Variants in PTPN11 observed in about 807,000 individuals in gnomAD.
PTPN11 encodes tyrosine-protein phosphatase non-receptor type 11.
PTPN11 carries 6 observed loss-of-function variants against 78.8 expected under a neutral mutation model. The observed-to-expected ratio is 0.08, with a 90% CI of 0.04 to 0.15. The LOEUF (loss-of-function observed/expected upper bound fraction) is 0.15, where lower values mean the gene tolerates loss of function less well. PTPN11 is among the 10% of genes least tolerant of loss of function. PTPN11 has a pLI of 1.00. For missense variants in PTPN11, 386 were observed against 744.8 expected (o/e 0.52, Z 5.61); for synonymous variants, 221 against 263.5 (o/e 0.84, Z 1.56).
At position 112,486,466 on chromosome 12, in the gene PTPN11, C is replaced by G. The variant is rs377257792; in HGVS notation, c.1225-9C>G. ...AATTCTTTTCTGGTTTTTCTTGGCT[C>G]TACTCCAGGGGAATACGGAGAGAAC... On this transcript the variant is annotated splice_polypyrimidine_tract_variant and intron_variant, in intron 10 of 15. Coordinates refer to ENST00000351677, the MANE Select transcript of PTPN11 (RefSeq NM_002834.5). 1 of 1,612,686 alleles carries G rather than the reference C, an allele frequency of 6.2e-7. No homozygotes were observed. The highest frequency in any genetic ancestry group is 8.5e-7 in the Non-Finnish European group (1 of 1,178,690).
chr12:112,465,112 G>A (rs1449438818), intron 6 of PTPN11, among the ~76,000 whole-genome samples: 3 of 152,104 alleles, frequency 2.0e-5, no homozygotes, highest in Admixed American at 6.5e-5. Flanking sequence ...GCATTGTGGC[G>A]AGGTGCATAT....
intron 9 of PTPN11, 92 bp from the exon 10 acceptor site, chr12:112,481,982 T>C: frequency 7.3e-7 from 1 of 1,373,282 alleles, no homozygotes; most frequent in East Asian, 2.3e-5. Context: ...TTGGTGGTTA[T>C]TAAGCAAGAC....
chr12:112,453,144 A>G, intron 3 of PTPN11, 51 bp from the exon 4 acceptor site: 1 of 1,500,210 alleles, frequency 6.7e-7, no homozygotes, highest in Non-Finnish European at 9.2e-7. Context: ...TGAAAGAACA[A>G]CATGAACCCA....
intron 9 of PTPN11, among the ~76,000 whole-genome samples, chr12:112,479,481 G>C (rs755260214): frequency 2.6e-5 from 4 of 152,230 alleles, no homozygotes; most frequent in Middle Eastern, 3.4e-3. Context: ...TTTCATTGTT[G>C]TACTCCTAGT....
chr12:112,433,397 G>A (rs1462078485), intron 1 of PTPN11, among the ~76,000 whole-genome samples: 3 of 152,132 alleles, frequency 2.0e-5, no homozygotes, highest in African/African-American at 2.4e-5. Context: ...CCACAGTGAC[G>A]AAATCGCCTA....
intron 13 of PTPN11, among the ~76,000 whole-genome samples, chr12:112,500,960 A>G (rs533255204): frequency 6.6e-6 from 1 of 150,918 alleles, no homozygotes; most frequent in Non-Finnish European, 1.5e-5. Flanking sequence ...GCCAGAGTGC[A>G]GTGGTGCGAT....
intron 13 of PTPN11, among the ~76,000 whole-genome samples, chr12:112,499,635 G>A (rs537691385): frequency 3.9e-5 from 6 of 152,076 alleles, no homozygotes; most frequent in Non-Finnish European, 7.4e-5. Context: ...CACAGTGCCC[G>A]GCGGGATAAG....
chr12:112,436,409 G>C (rs1165642652), intron 1 of PTPN11, among the ~76,000 whole-genome samples: 1 of 152,138 alleles, frequency 6.6e-6, no homozygotes, highest in Non-Finnish European at 1.5e-5. Flanking sequence ...ACATTTTACA[G>C]ATGTAAAAAC....
chr12:112,452,156 G>A (rs1401360218), intron 3 of PTPN11, among the ~76,000 whole-genome samples: 2 of 151,836 alleles, frequency 1.3e-5, no homozygotes, highest in African/African-American at 4.8e-5. Context: ...GATTATAGGC[G>A]TGAGCCACCG....
chr12:112,449,003 C>T (rs2038035984), intron 2 of PTPN11, among the ~76,000 whole-genome samples: 1 of 151,844 alleles, frequency 6.6e-6, no homozygotes, highest in South Asian at 2.1e-4. Context: ...TCTCCTGCCT[C>T]AGCCTCCCCA....
intron 1 of PTPN11, among the ~76,000 whole-genome samples, chr12:112,420,709 G>C (rs914191443): frequency 6.6e-6 from 1 of 152,152 alleles, no homozygotes; most frequent in Non-Finnish European, 1.5e-5. Context: ...TTCATACATG[G>C]ATCTGGAATT....
At chr12:112,494,585 T>C (rs1192713474) in intron 13 of PTPN11, among the ~76,000 whole-genome samples, 1 of 152,188 alleles carries the variant, frequency 6.6e-6, no homozygotes, top group African/African-American at 2.4e-5. Context: ...CTTAAGATGG[T>C]CTAGGCTCAT....
At chr12:112,430,502 C>CA (rs1361593220) in intron 1 of PTPN11, among the ~76,000 whole-genome samples, 1 of 152,100 alleles carries the variant, frequency 6.6e-6, no homozygotes, top group African/African-American at 2.4e-5. Flanking sequence ...AACCATGGCT[C>CA]ACTGCAGCCT....
chr12:112,481,952 G>A (rs2038602343), intron 9 of PTPN11, 122 bp from the exon 10 acceptor site: 2 of 1,090,682 alleles, frequency 1.8e-6, no homozygotes, highest in Middle Eastern at 3.1e-4. Context: ...TAACAGATGC[G>A]AAACAGGCCA....
chr12:112,464,110 C>T (rs1359185028), intron 6 of PTPN11, among the ~76,000 whole-genome samples: 1 of 152,174 alleles, frequency 6.6e-6, no homozygotes, highest in African/African-American at 2.4e-5. Flanking sequence ...CTCTGATAGT[C>T]TTTAAAACAA....
At chr12:112,456,092 G>A (rs1278899263) in intron 6 of PTPN11, 29 bp downstream of exon 6, 1 of 1,407,192 alleles carries the variant, frequency 7.1e-7, no homozygotes, top group South Asian at 1.2e-5. Context: ...GTTTTTACGT[G>A]AGTTGTTATA....
chr12:112,465,243 C>T (rs1388846375), intron 6 of PTPN11, among the ~76,000 whole-genome samples: 1 of 151,902 alleles, frequency 6.6e-6, no homozygotes, highest in African/African-American at 2.4e-5. Context: ...ACCAGCCTGG[C>T]CAACATGGTG....
chr12:112,465,315 T>C (rs973864291), intron 6 of PTPN11, among the ~76,000 whole-genome samples: 1 of 150,998 alleles, frequency 6.6e-6, no homozygotes, highest in Admixed American at 6.6e-5. Flanking sequence ...GTGCCTGTAA[T>C]ACCAGCTACT....
rs369155025 is a variant in PTPN11, at chr12:112,453,380, G to T, written c.518G>T (p.Arg173Leu). ...GKSKVTHVMIRCQELKYDVGG... is the reference protein window; with the variant it reads ...GKSKVTHVMILCQELKYDVGG... ...TCTAAAGTGACCCATGTTATGATTCGCTGTCAGGTAAATCTCCAGTTGAAA... is the reference window on the plus strand; with the variant it reads ...TCTAAAGTGACCCATGTTATGATTCTCTGTCAGGTAAATCTCCAGTTGAAA... The change falls in exon 4 of 16, where the codon CGC becomes CTC. Residue 173 changes from arginine (R) to leucine (L), a missense_variant. By Grantham distance (102) the Arg-to-Leu change is moderately radical (BLOSUM62 -2). This residue lies in a region of PTPN11 where 279 missense variants were observed against 503.3 expected (regional missense o/e 0.55). Coordinates refer to ENST00000351677, the MANE Select transcript of PTPN11 (RefSeq NM_002834.5). The T allele has an allele frequency of 3.1e-6, 5 of 1,613,980 alleles. No homozygotes were observed. In the South Asian group the frequency reaches 4.4e-5, roughly 14 times the overall value.
Sources: gnomAD v4.1 joint callset for allele counts (sites outside exome capture counted in the v4.1 genomes callset) on GRCh38, gnomAD v4.1.1 for gene constraint, gnomAD v4.1.1 regional missense constraint, MANE v1.5 for transcripts, NCBI Gene and HGNC (gene_info 2026-07-23, HGNC 2026-07-21) for gene names.